The following GPR39 variants were observed in gnomAD, a reference collection of about 807,000 sequenced individuals.
GPR39 encodes G protein-coupled receptor 39.
GPR39 carries 23 observed loss-of-function variants against 18.4 expected under a neutral mutation model. The ratio of observed to expected loss-of-function variants is 1.25; its 90% confidence interval spans 0.90 to 1.77. The LOEUF (loss-of-function observed/expected upper bound fraction) is 1.77. Ranked by LOEUF, GPR39 falls within the 40% of genes most tolerant of loss-of-function variation. The pLI, the probability that GPR39 is intolerant of heterozygous loss-of-function variation, is 0.00. For synonymous variants in GPR39, 280 were observed against 257.9 expected, an observed-to-expected ratio of 1.09 and a Z score of -0.82; for missense variants, 647 against 602.4, an observed-to-expected ratio of 1.07 and a Z score of -0.78.
At chr2:132,440,175 A>G (rs910034218) in intron 1 of GPR39, among the ~76,000 whole-genome samples, 2 of 152,184 alleles carry the variant, frequency 1.3e-5, no homozygotes, top group African/African-American at 4.8e-5. Flanking sequence ...AGCCATCTCC[A>G]AAGGACAGAG....
chr2:132,513,925 G>A (rs981077330), intron 1 of GPR39, among the ~76,000 whole-genome samples: 1 of 152,142 alleles, frequency 6.6e-6, no homozygotes, highest in Non-Finnish European at 1.5e-5. Flanking sequence ...ATATTGCCTA[G>A]GCTAGTGAAT....
At chr2:132,427,586 A>C (rs2104756764) in intron 1 of GPR39, among the ~76,000 whole-genome samples, 1 of 150,906 alleles carries the variant, frequency 6.6e-6, no homozygotes, top group Non-Finnish European at 1.5e-5. Context: ...GCAGAAATAA[A>C]ATTTCTGGCA....
chr2:132,527,692 T>G (rs879415078), intron 1 of GPR39, among the ~76,000 whole-genome samples: 2 of 152,242 alleles, frequency 1.3e-5, no homozygotes, highest in Non-Finnish European at 2.9e-5. Context: ...TAATGATCAG[T>G]GACGTTGAGC....
intron 1 of GPR39, among the ~76,000 whole-genome samples, chr2:132,566,917 A>G (rs891547257): frequency 6.6e-6 from 1 of 152,180 alleles, no homozygotes; most frequent in South Asian, 2.1e-4. Flanking sequence ...GACAGCCACA[A>G]TCAATGGCCT....
At chr2:132,600,303 G>C (rs1681015810) in intron 1 of GPR39, among the ~76,000 whole-genome samples, 1 of 152,014 alleles carries the variant, frequency 6.6e-6, no homozygotes, top group Non-Finnish European at 1.5e-5. Flanking sequence ...AAAGTAGACA[G>C]ATTTCAAATA....
intron 1 of GPR39, among the ~76,000 whole-genome samples, chr2:132,479,179 CCA>C (rs1573622131): frequency 6.6e-6 from 1 of 152,142 alleles, no homozygotes; most frequent in African/African-American, 2.4e-5. Context: ...CCGTGGTATT[CCA>C]GGCACTGCGG....
At chr2:132,477,614 C>T (rs144229223) in intron 1 of GPR39, among the ~76,000 whole-genome samples, 152 of 152,250 alleles carry the variant, frequency 1.0e-3, no homozygotes, top group African/African-American at 3.6e-3. Context: ...AAATCCAGCC[C>T]GCCAACTCAT....
chr2:132,492,503 CACCATATAT>C (rs1681497626), intron 1 of GPR39, among the ~76,000 whole-genome samples: 1 of 141,396 alleles, frequency 7.1e-6, no homozygotes, highest in African/African-American at 2.6e-5. Context: ...CATATATACA[CACCATATAT>C]ACCATATATA....
chr2:132,573,446 T>C (rs3115016), intron 1 of GPR39, among the ~76,000 whole-genome samples: 103,610 of 151,870 alleles, frequency 0.68, 36,912 homozygotes, highest in East Asian at 0.92. Flanking sequence ...GGCATTTTCA[T>C]GCATAGCATT....
chr2:132,592,571 G>A (rs1040892424), intron 1 of GPR39, among the ~76,000 whole-genome samples: 5 of 152,162 alleles, frequency 3.3e-5, no homozygotes, highest in Non-Finnish European at 7.4e-5. Context: ...GGCTTGAGCT[G>A]AGGAGTGACA....
chr2:132,532,360 C>A (rs1436896949), intron 1 of GPR39, among the ~76,000 whole-genome samples: 1 of 151,796 alleles, frequency 6.6e-6, no homozygotes, highest in African/African-American at 2.4e-5. Flanking sequence ...TAATAGCTTA[C>A]CAACCCAAAA....
intron 1 of GPR39, among the ~76,000 whole-genome samples, chr2:132,434,395 G>C (rs116085311): frequency 1.7e-3 from 262 of 152,268 alleles, no homozygotes; most frequent in Middle Eastern, 3.4e-3. Context: ...TTCTGGATTG[G>C]TTATGTTGAT....
intron 1 of GPR39, among the ~76,000 whole-genome samples, chr2:132,483,469 T>C (rs540496610): frequency 1.3e-5 from 2 of 152,356 alleles, no homozygotes; most frequent in South Asian, 4.1e-4. Flanking sequence ...GATGGAGTGC[T>C]TTTGTATGCC....
Position 132,417,589 on chromosome 2 carries a change from G to GTGCCCAGCCACCGGGGTCTCACT in GPR39, c.551_573dup (p.Asn192ProfsTer55). On this transcript the variant is annotated frameshift_variant, in exon 1 of 2. Transcript: ENST00000329321. LOFTEE classifies it high-confidence loss of function. ...GGGTACTGAGTACCCCCTGGTGAAC[G>GTGCCCAGCCACCGGGGTCTCACT]TGCCCAGCCACCGGGGTCTCACTTG... 1 of 1,614,088 alleles carries GTGCCCAGCCACCGGGGTCTCACT rather than the reference G, an allele frequency of 6.2e-7. No homozygotes were observed. Among genetic ancestry groups the GTGCCCAGCCACCGGGGTCTCACT allele is most frequent in the Non-Finnish European group, 8.5e-7 (1 of 1,180,008 alleles).
intron 1 of GPR39, among the ~76,000 whole-genome samples, chr2:132,514,691 G>A (rs151053738): frequency 9.4e-4 from 143 of 152,236 alleles, no homozygotes; most frequent in East Asian, 8.5e-3. Context: ...TCTCTACACC[G>A]TGGAAGAGAT....
At chr2:132,481,859 TC>T (rs1169951545) in intron 1 of GPR39, among the ~76,000 whole-genome samples, 1 of 152,198 alleles carries the variant, frequency 6.6e-6, no homozygotes. Context: ...CAGCATGCCC[TC>T]CCAGGCCTCC....
rs960726497 is a variant in GPR39 at position 132,530,460 on chromosome 2, A to G, written c.856+112562A>G. Among the ~76,000 whole-genome samples, 7 of 152,224 alleles carry G rather than the reference A, an allele frequency of 4.6e-5. No homozygotes were observed. The East Asian group carries it at 5.8e-4, about 13-fold the overall frequency. On this transcript the variant is annotated intron_variant, in intron 1 of 1. Coordinates refer to ENST00000329321, the MANE Select transcript of GPR39 (RefSeq NM_001508.3). ...GTTATTATCCAGGAGAACTTCCCCA[A>G]TCTAGCAAGGCAGGCCAACATTCAA...
intron 1 of GPR39, among the ~76,000 whole-genome samples, chr2:132,561,577 TACACACAC>T (rs55653432): frequency 0.064 from 9,481 of 147,934 alleles, 328 homozygotes; most frequent in Middle Eastern, 0.093. Flanking sequence ...AATATGAGTG[TACACACAC>T]ACACACACAC....
At chr2:132,596,069 C>T (rs1312969924) in intron 1 of GPR39, among the ~76,000 whole-genome samples, 3 of 152,146 alleles carry the variant, frequency 2.0e-5, no homozygotes, top group Admixed American at 6.5e-5. Flanking sequence ...AGCTGGCCTG[C>T]ACCCCAGCAC....
Sources: gnomAD v4.1 joint callset for allele counts (sites outside exome capture counted in the v4.1 genomes callset) on GRCh38, gnomAD v4.1.1 for gene constraint, MANE v1.5 for transcripts, NCBI Gene and HGNC (gene_info 2026-07-23, HGNC 2026-07-21) for gene names.